RUNX1T1: variants seen among roughly 807,000 people sequenced by gnomAD.
The protein encoded by RUNX1T1 is protein CBFA2T1.
In RUNX1T1, 4 loss-of-function variants were observed where a neutral mutation model predicts 62.8. The observed-to-expected ratio is 0.06, with a 90% CI of 0.03 to 0.15. The LOEUF is 0.15. Among genes scored for constraint, RUNX1T1 ranks in the 10% least tolerant of loss-of-function variants. The pLI, the probability that RUNX1T1 is intolerant of heterozygous loss-of-function variation, is 1.00. For synonymous variants in RUNX1T1, 291 were observed against 286.0 expected, an observed-to-expected ratio of 1.02 and a Z score of -0.18; for missense variants, 508 against 754.3, an observed-to-expected ratio of 0.67 and a Z score of 3.82.
At chr8:92,094,643 T>C (rs189664304) in intron 1 of RUNX1T1, among the ~76,000 whole-genome samples, 252 of 152,316 alleles carry the variant, frequency 1.7e-3, no homozygotes, top group African/African-American at 5.8e-3. Flanking sequence ...CAAACATTAA[T>C]GATCAATCCC....
intron 1 of RUNX1T1, among the ~76,000 whole-genome samples, chr8:92,082,901 A>G (rs898849392): frequency 2.8e-5 from 4 of 143,526 alleles, no homozygotes; most frequent in African/African-American, 1.2e-4. Flanking sequence ...GGAGGGAGAG[A>G]AGGAGGAGGG....
chr8:92,005,156 G>C (rs1355519811), exon 5 of RUNX1T1: 1 of 1,612,904 alleles, frequency 6.2e-7, no homozygotes, highest in Non-Finnish European at 8.5e-7. Context: ...TTCACATCGA[G>C]AAGCAGCTCT....
At chr8:92,070,535 G>C (rs1833516608) in intron 2 of RUNX1T1, among the ~76,000 whole-genome samples, 1 of 151,994 alleles carries the variant, frequency 6.6e-6, no homozygotes, top group South Asian at 2.1e-4. Flanking sequence ...AGGCGCACCA[G>C]GCTAATGCAA....
chr8:92,086,759 C>A (rs1410613503), intron 1 of RUNX1T1, among the ~76,000 whole-genome samples: 1 of 152,142 alleles, frequency 6.6e-6, no homozygotes, highest in Non-Finnish European at 1.5e-5. Context: ...AATAACTTCC[C>A]CCTCTCTAAA....
intron 5 of RUNX1T1, among the ~76,000 whole-genome samples, chr8:91,993,687 T>C (rs905348311): frequency 2.0e-5 from 3 of 152,086 alleles, no homozygotes; most frequent in African/African-American, 7.2e-5. Context: ...AGAAAATAAA[T>C]GTCCTTTAAA....
chr8:91,991,412 T>G (rs1033419036), intron 6 of RUNX1T1, among the ~76,000 whole-genome samples: 10 of 152,176 alleles, frequency 6.6e-5, no homozygotes, highest in African/African-American at 1.9e-4. Context: ...CCAAAGAAAT[T>G]TAGTGTACTG....
chr8:92,008,414 A>T (rs1821291029), intron 4 of RUNX1T1, among the ~76,000 whole-genome samples: 1 of 151,392 alleles, frequency 6.6e-6, no homozygotes, highest in Non-Finnish European at 1.5e-5. Flanking sequence ...ACACACACAC[A>T]CACACACACA....
At chr8:92,046,193 T>C (rs539033506) in intron 1 of RUNX1T1, among the ~76,000 whole-genome samples, 73 of 152,282 alleles carry the variant, frequency 4.8e-4, no homozygotes, top group Middle Eastern at 3.4e-3. Flanking sequence ...TGGATACTAG[T>C]GTAACTTGTA....
At chr8:92,102,936 C>A, upstream of RUNX1T1, 17 of 1,503,552 alleles carry the variant, frequency 1.1e-5, no homozygotes, top group African/African-American at 1.4e-5. This position sits in a 1 kb window ranked among gnomAD's most constrained non-coding sequence, Gnocchi z 4.5. Flanking sequence ...TCGGCCGGCC[C>A]GCGGGGCGAC....
chr8:92,029,747 C>CTGCAATCTGTT (rs1488755313), intron 1 of RUNX1T1, among the ~76,000 whole-genome samples: 2 of 152,118 alleles, frequency 1.3e-5, no homozygotes, highest in African/African-American at 4.8e-5. Flanking sequence ...TCACACCACA[C>CTGCAATCTGTT]TGCAATCTGT....
chr8:92,068,381 T>C (rs1216254615), intron 2 of RUNX1T1, among the ~76,000 whole-genome samples: 1 of 152,140 alleles, frequency 6.6e-6, no homozygotes, highest in African/African-American at 2.4e-5. Context: ...TGATGGCATA[T>C]GCTCCAATGA....
At chr8:92,016,464 C>T (rs1398039477) in intron 2 of RUNX1T1, among the ~76,000 whole-genome samples, 4 of 152,094 alleles carry the variant, frequency 2.6e-5, no homozygotes, top group African/African-American at 9.7e-5. Flanking sequence ...ATCACGAGGT[C>T]GGAAGTTCAA....
intron 1 of RUNX1T1, 101 bp from the exon 2 acceptor site, chr8:92,076,238 G>C: frequency 1.1e-6 from 1 of 884,862 alleles, no homozygotes; most frequent in Non-Finnish European, 1.5e-6. Context: ...GTTTTGTTAT[G>C]TTTTGTTTAA....
upstream of RUNX1T1, chr8:92,102,918 C>A: frequency 1.3e-6 from 2 of 1,512,950 alleles, no homozygotes; most frequent in African/African-American, 1.4e-5. This position sits in a 1 kb window ranked among gnomAD's most constrained non-coding sequence, Gnocchi z 4.5. Context: ...ATAAAACTTC[C>A]CGTCGTCTCG....
intron 8 of RUNX1T1, among the ~76,000 whole-genome samples, chr8:91,977,785 A>AT (rs543695376): frequency 8.5e-4 from 129 of 151,336 alleles, no homozygotes; most frequent in Non-Finnish European, 1.4e-3. Flanking sequence ...ATAAAAACTT[A>AT]TTTTTTTCTT....
chr8:92,069,407 AT>A (rs976441380), intron 2 of RUNX1T1, among the ~76,000 whole-genome samples: 1 of 151,534 alleles, frequency 6.6e-6, no homozygotes, highest in African/African-American at 2.4e-5. Flanking sequence ...ATACACAGCA[AT>A]AAAAAAAAAA....
intron 1 of RUNX1T1, among the ~76,000 whole-genome samples, chr8:92,054,616 G>A (rs538269189): frequency 6.6e-6 from 1 of 152,230 alleles, no homozygotes; most frequent in South Asian, 2.1e-4. Flanking sequence ...TGACATTCTC[G>A]ATGCTCTGTG....
intron 1 of RUNX1T1, among the ~76,000 whole-genome samples, chr8:92,021,307 T>C (rs1465555768): frequency 6.6e-6 from 1 of 152,046 alleles, no homozygotes; most frequent in Non-Finnish European, 1.5e-5. Flanking sequence ...AGATGGCAAA[T>C]ACAGTTCTGA....
chr8:92,000,536 A>G (rs933191506), intron 5 of RUNX1T1, among the ~76,000 whole-genome samples: 1 of 152,194 alleles, frequency 6.6e-6, no homozygotes, highest in Non-Finnish European at 1.5e-5. Flanking sequence ...TGACCCTACA[A>G]TTCCTTGTAA....
Sources: allele counts gnomAD v4.1 joint callset (sites outside exome capture counted in the v4.1 genomes callset), GRCh38; gene constraint gnomAD v4.1.1; non-coding constraint Gnocchi (gnomAD v3.1); transcripts MANE v1.5; gene names NCBI Gene and HGNC (gene_info 2026-07-23, HGNC 2026-07-21).